LARGE1: variants seen among roughly 807,000 people sequenced by gnomAD.
The protein encoded by LARGE1 is LARGE xylosyl- and glucuronyltransferase 1.
LARGE1 carries 43 observed loss-of-function variants against 87.6 expected under a neutral mutation model. That is an observed-to-expected ratio of 0.49 (90% CI 0.38 to 0.63). LARGE1 has a LOEUF of 0.63. Ranked by LOEUF, LARGE1 falls within the 30% of genes least tolerant of loss-of-function variation. The pLI is 0.00. For synonymous variants in LARGE1, 434 were observed against 394.6 expected, an observed-to-expected ratio of 1.10 and a Z score of -1.18; for missense variants, 802 against 1,000.2, an observed-to-expected ratio of 0.80 and a Z score of 2.67.
At chr22:33,393,402 C>G (rs1350744951) in intron 7 of LARGE1, among the ~76,000 whole-genome samples, 1 of 152,218 alleles carries the variant, frequency 6.6e-6, no homozygotes, top group African/African-American at 2.4e-5. Flanking sequence ...GTCTAATTAT[C>G]CCTCACTGAA....
At chr22:33,827,861 T>C (rs916099206) in intron 1 of LARGE1, among the ~76,000 whole-genome samples, 1 of 152,162 alleles carries the variant, frequency 6.6e-6, no homozygotes, top group Non-Finnish European at 1.5e-5. Flanking sequence ...TTTCGGATTA[T>C]AGAGATCGAG....
chr22:33,610,675 A>G (rs557731754), intron 4 of LARGE1, among the ~76,000 whole-genome samples: 1 of 152,304 alleles, frequency 6.6e-6, no homozygotes, highest in South Asian at 2.1e-4. Context: ...ACAACTTGCT[A>G]GAGATATTAG....
chr22:33,219,539 T>C (rs1925361466), intron 11 of LARGE1, among the ~76,000 whole-genome samples: 1 of 152,174 alleles, frequency 6.6e-6, no homozygotes, highest in African/African-American at 2.4e-5. Flanking sequence ...TTACAGAGAA[T>C]AGGAGATCAG....
intron 1 of LARGE1, among the ~76,000 whole-genome samples, chr22:33,788,679 G>C (rs1213722601): frequency 1.3e-5 from 2 of 152,164 alleles, no homozygotes; most frequent in Non-Finnish European, 2.9e-5. Flanking sequence ...CTCTTGCTAG[G>C]TTTTAGCAAA....
At chr22:33,380,150 T>C (rs1474322001) in intron 9 of LARGE1, among the ~76,000 whole-genome samples, 1 of 152,254 alleles carries the variant, frequency 6.6e-6, no homozygotes, top group East Asian at 1.9e-4. Context: ...AAATATTTTT[T>C]AATCCAGCAT....
At chr22:33,750,426 G>A (rs913426188) in intron 2 of LARGE1, among the ~76,000 whole-genome samples, 3 of 152,136 alleles carry the variant, frequency 2.0e-5, no homozygotes, top group African/African-American at 7.2e-5. Flanking sequence ...AGCAGTAGGC[G>A]GGCCAAACCC....
At chr22:33,218,141 G>A (rs1925296353) in intron 11 of LARGE1, among the ~76,000 whole-genome samples, 1 of 151,930 alleles carries the variant, frequency 6.6e-6, no homozygotes, top group South Asian at 2.1e-4. Context: ...TGTTGGCCAG[G>A]CTTGTCTCGA....
At chr22:33,541,066 G>GGA (rs1491031278) in intron 6 of LARGE1, among the ~76,000 whole-genome samples, 1 of 97,706 alleles carries the variant, frequency 1.0e-5, no homozygotes, top group African/African-American at 3.9e-5. Flanking sequence ...GGGGGGGGGG[G>GGA]GCGGGGGGCG....
At chr22:33,812,584 G>A (rs915675104) in intron 1 of LARGE1, among the ~76,000 whole-genome samples, 19 of 152,184 alleles carry the variant, frequency 1.2e-4, no homozygotes, top group Admixed American at 9.2e-4. Context: ...TCTTTGATCC[G>A]CCGGGTTGAA....
intron 1 of LARGE1, among the ~76,000 whole-genome samples, chr22:33,900,156 A>G (rs1181855818): frequency 6.6e-6 from 1 of 152,216 alleles, no homozygotes; most frequent in African/African-American, 2.4e-5. Context: ...GTTGGAACAG[A>G]TATCTCAGGA....
chr22:33,776,232 T>G (rs2085232641), intron 1 of LARGE1, among the ~76,000 whole-genome samples: 1 of 152,220 alleles, frequency 6.6e-6, no homozygotes, highest in Admixed American at 6.5e-5. Flanking sequence ...GCACACAATC[T>G]GGATTGTACT....
chr22:33,617,607 C>T (rs2079618630), intron 4 of LARGE1, among the ~76,000 whole-genome samples: 1 of 152,156 alleles, frequency 6.6e-6, no homozygotes, highest in Non-Finnish European at 1.5e-5. Flanking sequence ...GCCTGAGGCC[C>T]CTTAGAAAAA....
At chr22:33,895,574 T>A (rs1569019180) in intron 1 of LARGE1, among the ~76,000 whole-genome samples, 1 of 152,172 alleles carries the variant, frequency 6.6e-6, no homozygotes, top group Admixed American at 6.5e-5. Flanking sequence ...CAGAATTCAT[T>A]TCCTTGTGCC....
intron 1 of LARGE1, among the ~76,000 whole-genome samples, chr22:33,893,592 T>G (rs996140830): frequency 6.6e-6 from 1 of 152,206 alleles, no homozygotes; most frequent in Non-Finnish European, 1.5e-5. Flanking sequence ...AATACAGTGA[T>G]AATCACCAAG....
At chr22:33,287,270 A>T (rs901615485) in intron 12 of LARGE1, among the ~76,000 whole-genome samples, 4 of 152,226 alleles carry the variant, frequency 2.6e-5, no homozygotes, top group Non-Finnish European at 5.9e-5. Context: ...AAACAACCCT[A>T]ACCAATATAC....
rs540803396 is a variant in LARGE1, at chr22:33,630,209, C to A, written c.409-3883G>T. Among the ~76,000 whole-genome samples, 763 of 151,660 alleles carry A rather than the reference C, an allele frequency of 5.0e-3. 4 individuals are homozygous for A. Among genetic ancestry groups the A allele is most frequent in the African/African-American group, 0.017 (707 of 41,346 alleles). ...AACAAAACTCGGTCTCAAAAAAAAA[C>A]CCCAAAAAACCGAAAACCAAAAAAC... On this transcript the variant is annotated intron_variant, in intron 3 of 14. Transcript: ENST00000397394.
chr22:33,483,708 G>T (rs918610838), intron 6 of LARGE1, among the ~76,000 whole-genome samples: 6 of 152,166 alleles, frequency 3.9e-5, no homozygotes, highest in African/African-American at 1.4e-4. Flanking sequence ...ATCCTGCCTC[G>T]TTAAAGGACG....
At chr22:33,246,458 C>A (rs117958593) in intron 11 of LARGE1, among the ~76,000 whole-genome samples, 8,850 of 152,112 alleles carry the variant, frequency 0.058, 296 homozygotes, top group Middle Eastern at 0.088. Context: ...CCAGTCTGGC[C>A]AACGTGGCAA....
At chr22:33,791,486 T>G (rs2085823361) in intron 1 of LARGE1, among the ~76,000 whole-genome samples, 1 of 152,240 alleles carries the variant, frequency 6.6e-6, no homozygotes, top group South Asian at 2.1e-4. Flanking sequence ...AATACTAGCT[T>G]AGAACATTTT....
Sources: gnomAD v4.1 joint callset for allele counts (sites outside exome capture counted in the v4.1 genomes callset) on GRCh38, gnomAD v4.1.1 for gene constraint, MANE v1.5 for transcripts, NCBI Gene and HGNC (gene_info 2026-07-23, HGNC 2026-07-21) for gene names.